RAP1GAP: variants seen among roughly 807,000 people sequenced by gnomAD.
RAP1GAP encodes rap1 GTPase-activating protein 1.
In RAP1GAP, 35 loss-of-function variants were observed where a neutral mutation model predicts 87.2. The ratio of observed to expected loss-of-function variants is 0.40; its 90% CI spans 0.31 to 0.53. The LOEUF (loss-of-function observed/expected upper bound fraction) is 0.53. Ranked by LOEUF, RAP1GAP falls within the 20% of genes least tolerant of loss-of-function variation. The pLI is 0.48. For synonymous variants in RAP1GAP, 375 were observed against 363.9 expected, an observed-to-expected ratio of 1.03 and a Z score of -0.35; for missense variants, 734 against 898.9, an observed-to-expected ratio of 0.82 and a Z score of 2.35.
Position 21,597,745 on chromosome 1 carries a change from G to C in RAP1GAP, c.1984-17C>G. The stretch of plus-strand genomic sequence containing the variant: ...CTAACAGCCCTGCAGACAGACAGTG[G>C]TGGTGAGGCAGGTGGCAAGACGGGA... On this transcript the variant is annotated splice_polypyrimidine_tract_variant and intron_variant, in intron 23 of 24. Transcript: ENST00000374765. The C allele has an allele frequency of 6.2e-7, 1 of 1,613,594 alleles. No homozygotes were observed. Among genetic ancestry groups the C allele is most frequent in the Non-Finnish European group, 8.5e-7 (1 of 1,179,624 alleles).
chr1:21,614,967 C>T (rs1336221873), intron 7 of RAP1GAP, among the ~76,000 whole-genome samples: 1 of 152,212 alleles, frequency 6.6e-6, no homozygotes, highest in Non-Finnish European at 1.5e-5. Flanking sequence ...AGGCAGGGAC[C>T]AGTGAATGTG....
chr1:21,624,972 G>A (rs2091281422), intron 3 of RAP1GAP, among the ~76,000 whole-genome samples: 1 of 152,138 alleles, frequency 6.6e-6, no homozygotes, highest in African/African-American at 2.4e-5. Context: ...GAGGGACTGG[G>A]AGCTTCATTC....
At position 21,614,167 on chromosome 1, in the gene RAP1GAP, C is replaced by T. The variant is rs891449207; in HGVS notation, c.292-78G>A. 40 of 984,354 alleles carry T rather than the reference C, an allele frequency of 4.1e-5. No individual in the cohort carries two copies. The East Asian group carries it at 9.7e-4, about 24-fold the overall frequency. The allele number at this position is 984,354 out of a possible 1,614,324, so 61.0% of individuals were successfully genotyped here. A position where few individuals can be genotyped will look rare whatever the true frequency, so the allele number is the denominator to read the frequency against. ...TTGGAAACAAGGCCAGAAAGCCAAC[C>T]CACTCCCAGATGCAGGTCCTTCGCC... On this transcript the variant is annotated intron_variant, in intron 7 of 24. Transcript: ENST00000374765.
chr1:21,641,472 C>T (rs2095518247), intron 2 of RAP1GAP, among the ~76,000 whole-genome samples: 1 of 152,194 alleles, frequency 6.6e-6, no homozygotes, highest in Non-Finnish European at 1.5e-5. Flanking sequence ...GCCTTGCACC[C>T]ACCCCATCCG....
At chr1:21,652,856 C>T (rs1204147887) in intron 1 of RAP1GAP, among the ~76,000 whole-genome samples, 4 of 152,288 alleles carry the variant, frequency 2.6e-5, no homozygotes, top group African/African-American at 4.8e-5. Flanking sequence ...GTCTTCCCCC[C>T]ATAGAGGGAG....
intron 1 of RAP1GAP, among the ~76,000 whole-genome samples, chr1:21,667,090 G>A (rs549078348): frequency 1.3e-5 from 2 of 152,140 alleles, no homozygotes; most frequent in African/African-American, 4.8e-5. Flanking sequence ...CTCAGGTCTC[G>A]GTTGTTTGCA....
At chr1:21,605,415 G>C (rs1024766101) in intron 18 of RAP1GAP, among the ~76,000 whole-genome samples, 1 of 152,126 alleles carries the variant, frequency 6.6e-6, no homozygotes, top group Non-Finnish European at 1.5e-5. Flanking sequence ...CTGACATCTA[G>C]GGCTTATCAC....
intron 1 of RAP1GAP, among the ~76,000 whole-genome samples, chr1:21,653,594 C>CCTTCCTT (rs1558897559): frequency 0.015 from 1,232 of 80,924 alleles, 6 homozygotes; most frequent in Non-Finnish European, 0.019. Context: ...CTTCCTTCCT[C>CCTTCCTT]CCTCCCTCCC....
chr1:21,656,545 C>A (rs921095814), intron 1 of RAP1GAP, among the ~76,000 whole-genome samples: 9 of 152,090 alleles, frequency 5.9e-5, no homozygotes, highest in Non-Finnish European at 1.2e-4. Flanking sequence ...GCCTTTCTAG[C>A]CAAGCCACAC....
intron 17 of RAP1GAP, 125 bp downstream of exon 17, chr1:21,608,088 C>A: frequency 2.1e-6 from 3 of 1,421,542 alleles, no homozygotes; most frequent in Non-Finnish European, 2.8e-6. Flanking sequence ...ACTCCACCCC[C>A]TCAGCCACGC....
chr1:21,620,338 C>G lies in RAP1GAP; in HGVS notation c.-18-288G>C, dbSNP rs116068751. 3.9e-5 allele frequency among the ~76,000 whole-genome samples: 6 copies of G among 152,306 alleles called. No individual in the cohort carries two copies. In the East Asian group the frequency reaches 5.8e-4, roughly 15 times the overall value. Reference sequence around the variant, plus strand: ...ACGGGCTGCTACCCTTGGGGAGGGACAGATCGTCCCCAAGTCCCAGCTGCA... The same window carrying G: ...ACGGGCTGCTACCCTTGGGGAGGGAGAGATCGTCCCCAAGTCCCAGCTGCA... On this transcript the variant is annotated intron_variant, in intron 3 of 24. Coordinates refer to ENST00000374765, the MANE Select transcript of RAP1GAP (RefSeq NM_002885.4).
chr1:21,660,049 C>T (rs2097058033), intron 1 of RAP1GAP, among the ~76,000 whole-genome samples: 1 of 151,964 alleles, frequency 6.6e-6, no homozygotes, highest in Non-Finnish European at 1.5e-5. Flanking sequence ...CTGCTCTGTC[C>T]TGGTATCCTC....
At position 21,668,520 on chromosome 1, in the gene RAP1GAP, CTG is replaced by C. The variant is rs762949754; in HGVS notation, c.-149+732_-149+733del. On this transcript the variant is annotated intron_variant, in intron 1 of 24. Coordinates refer to ENST00000374765, the MANE Select transcript of RAP1GAP (RefSeq NM_002885.4). The surrounding 1 kb of genome is among the most constrained non-coding windows in gnomAD (Gnocchi z 6.2). ...GGAGGGGGCCGCTCACCTCCGGAGA[CTG>C]TGTGTGTGTGCAGGTGTGCGTACAC... 9 of 152,618 alleles carry C rather than the reference CTG, an allele frequency of 5.9e-5. No individual in the cohort carries two copies. The highest frequency in any genetic ancestry group is 1.9e-4 in the African/African-American group (8 of 41,446). 9.5% of individuals were successfully genotyped at this position (152,618 alleles called of 1,614,324 possible). A position where few individuals can be genotyped will look rare whatever the true frequency, so the allele number is the denominator to read the frequency against.
chr1:21,631,404 G>C (rs1269388085), intron 2 of RAP1GAP, among the ~76,000 whole-genome samples: 1 of 152,216 alleles, frequency 6.6e-6, no homozygotes, highest in African/African-American at 2.4e-5. Flanking sequence ...ATCCAGATGA[G>C]GCTGGGCACG....
Position 21,634,061 on chromosome 1 carries a change from G to C in RAP1GAP, c.-112-7664C>G, listed in dbSNP as rs945824060. 5.8e-4 allele frequency among the ~76,000 whole-genome samples: 1 copy of C among 1,734 alleles called. No individual in the cohort carries two copies. Among genetic ancestry groups the C allele is most frequent in the African/African-American group, 1.0e-3 (1 of 1,000 alleles). 1.1% of individuals were successfully genotyped at this position (1,734 alleles called of 152,430 possible). A position where few individuals can be genotyped will look rare whatever the true frequency, so the allele number is the denominator to read the frequency against. On this transcript the variant is annotated intron_variant, in intron 2 of 24. Coordinates refer to ENST00000374765, the MANE Select transcript of RAP1GAP (RefSeq NM_002885.4). This position sits in a 1 kb window ranked among gnomAD's most constrained non-coding sequence, Gnocchi z 4.1. ...CTGCCCCAGAACTGCCCCCTCCCGGGGGGGGGGGGGGGCCACAGAAGCCCA... is the reference window on the plus strand; with the variant it reads ...CTGCCCCAGAACTGCCCCCTCCCGGCGGGGGGGGGGGGCCACAGAAGCCCA...
intron 2 of RAP1GAP, among the ~76,000 whole-genome samples, chr1:21,631,797 C>A (rs991407102): frequency 6.6e-6 from 1 of 152,198 alleles, no homozygotes; most frequent in Admixed American, 6.5e-5. Flanking sequence ...AGCCCCAGGT[C>A]GCACAATGGG....
chr1:21,640,946 T>C (rs1243033641), intron 2 of RAP1GAP, among the ~76,000 whole-genome samples: 1 of 152,110 alleles, frequency 6.6e-6, no homozygotes, highest in Non-Finnish European at 1.5e-5. Flanking sequence ...CTTGCTCTGT[T>C]GGCCAGGCTG....
rs1214126293 is a variant in RAP1GAP at position 21,603,031 on chromosome 1, G to C, written c.1429-118C>G. On this transcript the variant is annotated intron_variant, in intron 18 of 24. Coordinates refer to ENST00000374765, the MANE Select transcript of RAP1GAP (RefSeq NM_002885.4). This position sits in a 1 kb window ranked among gnomAD's most constrained non-coding sequence, Gnocchi z 6.0. ...TGAAGCAGAGTTGATGAGCAAGAAA[G>C]AACGAGAGAAGATATCCATTCCCAG... 2 of 690,656 alleles carry C rather than the reference G, an allele frequency of 2.9e-6. No homozygotes were observed. The highest frequency in any genetic ancestry group is 4.8e-6 in the Non-Finnish European group (2 of 417,234). The allele number at this position is 690,656 out of a possible 1,614,324, so 42.8% of individuals were successfully genotyped here.
chr1:21,609,515 A>AC lies in RAP1GAP; in HGVS notation c.1071+59dup. On this transcript the variant is annotated intron_variant, in intron 15 of 24. Coordinates refer to ENST00000374765, the MANE Select transcript of RAP1GAP (RefSeq NM_002885.4). The surrounding 1 kb of genome is among the most constrained non-coding windows in gnomAD (Gnocchi z 4.4). ...ACCTCATAAGGCAGAATGTGTATGC[A>AC]CCCCCCAGGCCCCCACCCATTTGTC... 2.9e-6 allele frequency: 3 copies of AC among 1,024,102 alleles called. No homozygotes were observed. The highest frequency in any genetic ancestry group is 1.7e-5 in the African/African-American group (1 of 60,540). 63.4% of individuals were successfully genotyped at this position (1,024,102 alleles called of 1,614,324 possible). A position where few individuals can be genotyped will look rare whatever the true frequency, so the allele number is the denominator to read the frequency against.
Sources: gnomAD v4.1 joint callset for allele counts (sites outside exome capture counted in the v4.1 genomes callset) on GRCh38, gnomAD v4.1.1 for gene constraint, Gnocchi (gnomAD v3.1) non-coding constraint, MANE v1.5 for transcripts, NCBI Gene and HGNC (gene_info 2026-07-23, HGNC 2026-07-21) for gene names.